The following PCDHA12 variants were observed in gnomAD, a reference collection of about 807,000 sequenced individuals.
PCDHA12 encodes the protein protocadherin alpha-12.
PCDHA12 carries 44 observed loss-of-function variants against 60.0 expected under a neutral mutation model. The ratio of observed to expected loss-of-function variants is 0.73; its 90% CI spans 0.58 to 0.94. The LOEUF (loss-of-function observed/expected upper bound fraction) is 0.94, where lower values mean the gene tolerates loss of function less well. Ranked by LOEUF, PCDHA12 falls within the 40% of genes least tolerant of loss-of-function variation. The pLI is 0.00. For missense variants in PCDHA12, 1,276 were observed against 1,239.7 expected (o/e 1.03, Z -0.44); for synonymous variants, 569 against 553.0 (o/e 1.03, Z -0.40).
chr5:140,994,358 G>A (rs2097616894), intron 3 of PCDHA12, among the ~76,000 whole-genome samples: 1 of 152,162 alleles, frequency 6.6e-6, no homozygotes, highest in Admixed American at 6.5e-5. Flanking sequence ...GACCTCAGAA[G>A]ATGGAATTGG....
intron 3 of PCDHA12, among the ~76,000 whole-genome samples, chr5:140,995,219 GT>G (rs1554254532): frequency 6.6e-6 from 1 of 152,072 alleles, no homozygotes; most frequent in East Asian, 1.9e-4. Flanking sequence ...CAATACTCTT[GT>G]GCTTTGGGGC....
chr5:140,971,000 T>G (rs1409787417), intron 1 of PCDHA12, among the ~76,000 whole-genome samples: 2 of 152,196 alleles, frequency 1.3e-5, no homozygotes, highest in African/African-American at 4.8e-5. Flanking sequence ...ATCAAAGAGT[T>G]TCCAGAAGTC....
chr5:140,999,032 C>T (rs2097843779), intron 3 of PCDHA12, among the ~76,000 whole-genome samples: 1 of 152,236 alleles, frequency 6.6e-6, no homozygotes, highest in South Asian at 2.1e-4. Flanking sequence ...TTTGATACTT[C>T]GTCCAGTGTG....
At chr5:140,909,472 G>A (rs2074524054) in intron 1 of PCDHA12, among the ~76,000 whole-genome samples, 1 of 152,168 alleles carries the variant, frequency 6.6e-6, no homozygotes, top group South Asian at 2.1e-4. Context: ...CTTCTTCACA[G>A]GCTAAATAGG....
intron 1 of PCDHA12, among the ~76,000 whole-genome samples, chr5:140,957,852 A>T (rs968818783): frequency 6.6e-6 from 1 of 151,658 alleles, no homozygotes. Flanking sequence ...GAGTTTGTGT[A>T]TTTTTTTTCC....
chr5:140,900,651 A>G (rs1386674800), intron 1 of PCDHA12, among the ~76,000 whole-genome samples: 3 of 152,232 alleles, frequency 2.0e-5, no homozygotes, highest in African/African-American at 7.2e-5. Flanking sequence ...ACACTGCTGC[A>G]ATGAACAATG....
chr5:140,891,270 C>T (rs1049558993), intron 1 of PCDHA12, among the ~76,000 whole-genome samples: 1 of 151,570 alleles, frequency 6.6e-6, no homozygotes, highest in East Asian at 1.9e-4. Context: ...TTAATTTTTC[C>T]GTAAGTTATT....
chr5:140,951,321 A>AT (rs2094571430), intron 1 of PCDHA12, among the ~76,000 whole-genome samples: 1 of 152,098 alleles, frequency 6.6e-6, no homozygotes, highest in Non-Finnish European at 1.5e-5. Context: ...TATTCTTGAG[A>AT]TTCATCATTC....
chr5:140,884,734 C>G, intron 1 of PCDHA12: 1 of 1,445,332 alleles, frequency 6.9e-7, no homozygotes. Flanking sequence ...TTTAAGACAT[C>G]TTTCCTGCCA....
At position 141,010,386 on chromosome 5, in the gene PCDHA12, T is replaced by C; in HGVS notation, c.*449T>C. On this transcript the variant is annotated 3_prime_UTR_variant, in exon 4 of 4. Coordinates refer to ENST00000398631, the MANE Select transcript of PCDHA12 (RefSeq NM_018903.4). ...GGGTATGCGAGTGCCAGATATTGGCTGAGACGAGCCAGCTTAGACTAATTG... is the reference window on the plus strand; with the variant it reads ...GGGTATGCGAGTGCCAGATATTGGCCGAGACGAGCCAGCTTAGACTAATTG... The C allele has an allele frequency of 7.1e-7, 1 of 1,413,970 alleles. No homozygotes were observed. The highest frequency in any genetic ancestry group is 9.4e-7 in the Non-Finnish European group (1 of 1,063,616). 87.6% of individuals were successfully genotyped at this position (1,413,970 alleles called of 1,614,324 possible). A position where few individuals can be genotyped will look rare whatever the true frequency, so the allele number is the denominator to read the frequency against.
chr5:140,967,503 G>A (rs369053625), intron 1 of PCDHA12: 14 of 1,612,820 alleles, frequency 8.7e-6, no homozygotes, highest in African/African-American at 2.7e-5. Flanking sequence ...ATCTCTGTGC[G>A]TGTCCTGGAC....
At chr5:140,877,959 T>C in intron 1 of PCDHA12, 120 bp downstream of exon 1, 2 of 1,325,332 alleles carry the variant, frequency 1.5e-6, no homozygotes, top group South Asian at 3.5e-5. Flanking sequence ...ATGTCTCATC[T>C]TTCTTGGTCA....
intron 1 of PCDHA12, chr5:140,883,784 A>G (rs2059818732): frequency 3.7e-6 from 6 of 1,612,354 alleles, no homozygotes; most frequent in Non-Finnish European, 4.2e-6. Context: ...TGCGCTGTCG[A>G]GCTACGTGTC....
chr5:140,995,998 C>T (rs1197239441), intron 3 of PCDHA12, among the ~76,000 whole-genome samples: 1 of 152,192 alleles, frequency 6.6e-6, no homozygotes, highest in Non-Finnish European at 1.5e-5. Context: ...TCAAAAATGT[C>T]GTCAGAACTA....
chr5:140,993,462 TCACACACACACACACACA>T (rs3836747), intron 3 of PCDHA12, among the ~76,000 whole-genome samples: 75 of 141,044 alleles, frequency 5.3e-4, no homozygotes, highest in African/African-American at 1.6e-3. Flanking sequence ...TCTTTCTTTC[TCACACACACACACACACA>T]CACACACACA....
chr5:140,965,174 CT>C (rs1213439654), intron 1 of PCDHA12, among the ~76,000 whole-genome samples: 1 of 152,110 alleles, frequency 6.6e-6, no homozygotes, highest in East Asian at 1.9e-4. Context: ...TTAGTGAGTG[CT>C]TTTTTTGCAC....
At chr5:140,943,083 C>A (rs1444637785) in intron 1 of PCDHA12, among the ~76,000 whole-genome samples, 1 of 151,532 alleles carries the variant, frequency 6.6e-6, no homozygotes, top group African/African-American at 2.4e-5. Flanking sequence ...ATGGTGAAAT[C>A]CTGCCTCTAC....
intron 3 of PCDHA12, among the ~76,000 whole-genome samples, chr5:140,985,779 G>A (rs2097170620): frequency 7.9e-6 from 1 of 126,148 alleles, no homozygotes; most frequent in Non-Finnish European, 1.6e-5. Flanking sequence ...TCGCTCTGTC[G>A]CCCAGGCTGG....
At chr5:140,983,171 C>T (rs1371766725) in intron 3 of PCDHA12, among the ~76,000 whole-genome samples, 2 of 152,136 alleles carry the variant, frequency 1.3e-5, no homozygotes, top group Non-Finnish European at 2.9e-5. Flanking sequence ...AACATGACCG[C>T]CTCACAATTT....
Sources: allele counts gnomAD v4.1 joint callset (sites outside exome capture counted in the v4.1 genomes callset), GRCh38; gene constraint gnomAD v4.1.1; transcripts MANE v1.5; gene names NCBI Gene and HGNC (gene_info 2026-07-23, HGNC 2026-07-21).